BRWD3: variants seen among roughly 807,000 people sequenced by gnomAD.
BRWD3 encodes bromodomain and WD repeat-containing protein 3.
In BRWD3, 10 loss-of-function variants were observed where a neutral mutation model predicts 149.7. The ratio of observed to expected loss-of-function variants is 0.07; its 90% confidence interval spans 0.04 to 0.11. BRWD3 has a LOEUF of 0.11. BRWD3 is among the 10% of genes least tolerant of loss of function. BRWD3 has a pLI of 1.00. For synonymous variants in BRWD3, 504 were observed against 456.7 expected (o/e 1.10, Z -1.32); for missense variants, 940 against 1,373.2 (o/e 0.68, Z 4.99).
At chrX:80,778,802 C>T (rs1330667187) in intron 6 of BRWD3, among the ~76,000 whole-genome samples, 2 of 111,572 alleles carry the variant, frequency 1.8e-5, no homozygotes, top group East Asian at 5.6e-4. Flanking sequence ...AGTTTGAGAC[C>T]AGCCCAGCCA....
At position 80,714,622 on chromosome X, in the gene BRWD3, A is replaced by G. The variant is rs149564749; in HGVS notation, c.2325+1535T>C. Among the ~76,000 whole-genome samples the G allele has an allele frequency of 4.7e-3, 520 of 111,786 alleles. 1 individual carries two copies. Among genetic ancestry groups the G allele is most frequent in the African/African-American group, 0.016 (483 of 30,711 alleles). On this transcript the variant is annotated intron_variant, in intron 20 of 40. Transcript: ENST00000373275. ...CCTAAAATGTATAAAACCAAGTTGT[A>G]GCCCGACCATCTCAGGCACAGAGTC...
At chrX:80,705,687 T>C (rs1195601240) in intron 22 of BRWD3, among the ~76,000 whole-genome samples, 1 of 112,303 alleles carries the variant, frequency 8.9e-6, no homozygotes, top group Non-Finnish European at 1.9e-5. Context: ...GTACAGCATG[T>C]GACTGTACTG....
Position 80,749,005 on chromosome X carries a change from G to A in BRWD3, c.431-3276C>T, listed in dbSNP as rs919809985. Reference sequence around the variant, plus strand: ...TTGCTTAATTTGCATACATCTGTGAGCCTTCCAAGATTACTCCTGTTATTT... The same window carrying A: ...TTGCTTAATTTGCATACATCTGTGAACCTTCCAAGATTACTCCTGTTATTT... On this transcript the variant is annotated intron_variant, in intron 6 of 40. Transcript: ENST00000373275. Among the ~76,000 whole-genome samples the A allele has an allele frequency of 2.7e-5, 3 of 111,463 alleles. 1 individual carries two copies. Among genetic ancestry groups the A allele is most frequent in the Non-Finnish European group, 3.8e-5 (2 of 53,082 alleles).
rs2074386719 is a variant in BRWD3, at chrX:80,809,428, C to G, written c.31+13G>C. ...CCCTTAGCACCCCCCCACCCCCCGA[C>G]ACAGCTACCCACCGGCTTCGATCTG... On this transcript the variant is annotated intron_variant, in intron 1 of 40. Transcript: ENST00000373275. 1 of 1,155,252 alleles carries G rather than the reference C, an allele frequency of 8.7e-7. No homozygotes were observed. The highest frequency in any genetic ancestry group is 1.9e-5 in the South Asian group (1 of 52,451).
intron 35 of BRWD3, 103 bp downstream of exon 35, chrX:80,686,756 AAAAG>A (rs1232356427): frequency 9.5e-6 from 8 of 844,613 alleles, no homozygotes; most frequent in East Asian, 6.5e-5. Flanking sequence ...AGACTGGAAA[AAAAG>A]AAAGGAAAGG....
At chrX:80,782,872 C>T (rs1222216998) in intron 6 of BRWD3, among the ~76,000 whole-genome samples, 1 of 108,074 alleles carries the variant, frequency 9.3e-6, no homozygotes, top group African/African-American at 3.4e-5. Flanking sequence ...ACTCCAGCCT[C>T]GATGACAGAA....
At chrX:80,699,835 T>C (rs1322134485) in intron 25 of BRWD3, 122 bp downstream of exon 25, 6 of 523,281 alleles carry the variant, frequency 1.1e-5, no homozygotes, top group Non-Finnish European at 2.0e-5. Context: ...TAGATCATCA[T>C]CTTATCTTGG....
chrX:80,696,673 C>A, intron 26 of BRWD3, 66 bp downstream of exon 26: 1 of 1,149,625 alleles, frequency 8.7e-7, no homozygotes, highest in South Asian at 1.8e-5. Flanking sequence ...GAGCACTGTA[C>A]TCTAAAATAT....
intron 30 of BRWD3, 70 bp from the exon 31 acceptor site, chrX:80,691,243 T>C: frequency 1.8e-6 from 2 of 1,085,662 alleles, no homozygotes. Context: ...CAAACATTTA[T>C]TCATATATAA....
chrX:80,709,897 A>G (rs1375164806), intron 20 of BRWD3: 9 of 668,986 alleles, frequency 1.3e-5, no homozygotes, highest in Non-Finnish European at 2.1e-5. Context: ...GTTTTGCCAG[A>G]GGCTGCAACC....
intron 6 of BRWD3, among the ~76,000 whole-genome samples, chrX:80,778,807 C>T (rs1257600968): frequency 9.0e-6 from 1 of 110,670 alleles, no homozygotes; most frequent in Non-Finnish European, 1.9e-5. Context: ...GAGACCAGCC[C>T]AGCCAACATG....
At chrX:80,759,146 T>A (rs976027849) in intron 6 of BRWD3, among the ~76,000 whole-genome samples, 5 of 111,963 alleles carry the variant, frequency 4.5e-5, no homozygotes, top group Non-Finnish European at 9.4e-5. Flanking sequence ...TTGCAAAGAC[T>A]ACATTAGGTT....
intron 34 of BRWD3, 97 bp from the exon 35 acceptor site, chrX:80,687,100 G>GTATA (rs3029738): frequency 6.6e-5 from 25 of 380,664 alleles, no homozygotes; most frequent in African/African-American, 2.3e-4. Flanking sequence ...CTGTATGTGT[G>GTATA]TATATATATA....
At chrX:80,735,938 A>G in intron 9 of BRWD3, 50 bp downstream of exon 9, 1 of 832,313 alleles carries the variant, frequency 1.2e-6, no homozygotes, top group South Asian at 2.2e-5. Flanking sequence ...AATCAAGGCA[A>G]TAGATAAAAA....
intron 26 of BRWD3, 114 bp downstream of exon 26, chrX:80,696,625 C>T (rs1486833177): frequency 3.7e-6 from 3 of 819,024 alleles, no homozygotes; most frequent in Non-Finnish European, 5.4e-6. Flanking sequence ...AATTCTAAAC[C>T]CTGTAGTAAA....
chrX:80,748,882 G>C (rs1229670710), intron 6 of BRWD3, among the ~76,000 whole-genome samples: 2 of 110,560 alleles, frequency 1.8e-5, no homozygotes, highest in East Asian at 5.7e-4. Flanking sequence ...GGCTGTTTTT[G>C]CTGCATCCCA....
rs372146949 is a variant in BRWD3, at chrX:80,707,868, C to A, written c.2476-365G>T. Among the ~76,000 whole-genome samples the A allele has an allele frequency of 1.1e-4, 12 of 111,622 alleles. No individual in the cohort carries two copies. In the East Asian group the frequency reaches 2.0e-3, roughly 18 times the overall value. On this transcript the variant is annotated intron_variant, in intron 21 of 40. Transcript: ENST00000373275. ...ACTCTCCATTAAAAATTTTAATTAT[C>A]TTTTTTATGTAAAATTTTAAATACA...
intron 6 of BRWD3, among the ~76,000 whole-genome samples, chrX:80,746,543 A>G (rs1051040187): frequency 9.0e-6 from 1 of 111,592 alleles, no homozygotes; most frequent in African/African-American, 3.3e-5. Flanking sequence ...ATTTACAGCC[A>G]CCCACTTGCC....
intron 7 of BRWD3, among the ~76,000 whole-genome samples, chrX:80,745,175 A>C (rs2073573645): frequency 9.0e-6 from 1 of 111,334 alleles, no homozygotes; most frequent in South Asian, 3.7e-4. Flanking sequence ...TAGTTCAACT[A>C]TCTAATCAAA....
Sources: gnomAD v4.1 joint callset for allele counts (sites outside exome capture counted in the v4.1 genomes callset) on GRCh38, gnomAD v4.1.1 for gene constraint, MANE v1.5 for transcripts, NCBI Gene and HGNC (gene_info 2026-07-23, HGNC 2026-07-21) for gene names.